Variants in ST3GAL3 observed in about 807,000 individuals in gnomAD.
The protein encoded by ST3GAL3 is ST3 beta-galactoside alpha-2,3-sialyltransferase 3, also known as CMP-N-acetylneuraminate-beta-1,4-galactoside alpha-2,3-sialyltransferase.
A neutral mutation model predicts 50.1 loss-of-function variants in ST3GAL3; 21 were observed. The observed-to-expected ratio is 0.42, with a 90% CI of 0.30 to 0.60. ST3GAL3 has a LOEUF of 0.60. ST3GAL3 is among the 20% of genes least tolerant of loss of function. The pLI, the probability that ST3GAL3 is intolerant of heterozygous loss-of-function variation, is 0.19. For synonymous variants in ST3GAL3, 183 were observed against 190.0 expected, an observed-to-expected ratio of 0.96 and a Z score of 0.30; for missense variants, 353 against 489.4, an observed-to-expected ratio of 0.72 and a Z score of 2.63.
chr1:43,904,463 C>A (rs2078808379), intron 9 of ST3GAL3, among the ~76,000 whole-genome samples: 1 of 151,980 alleles, frequency 6.6e-6, no homozygotes, highest in Admixed American at 6.6e-5. Flanking sequence ...GCGGCCATCA[C>A]CAGTGGCCGC....
intron 4 of ST3GAL3, among the ~76,000 whole-genome samples, chr1:43,823,443 A>G (rs1300941032): frequency 2.6e-5 from 4 of 151,868 alleles, no homozygotes; most frequent in Non-Finnish European, 5.9e-5. Context: ...TGTCTGGAAC[A>G]CTCTTCCCCA....
intron 4 of ST3GAL3, among the ~76,000 whole-genome samples, chr1:43,830,932 A>G (rs1181991557): frequency 6.6e-6 from 1 of 152,122 alleles, no homozygotes. Flanking sequence ...TCTAGAAGGA[A>G]TAGTAAAAGC....
intron 4 of ST3GAL3, 52 bp downstream of exon 4, chr1:43,814,985 G>A (rs1257301132): frequency 3.2e-6 from 5 of 1,566,626 alleles, no homozygotes; most frequent in Non-Finnish European, 4.4e-6. Context: ...GTCTGTGAGA[G>A]CTGGGTCTCA....
chr1:43,788,527 C>T (rs879548800), intron 2 of ST3GAL3, among the ~76,000 whole-genome samples: 1 of 152,072 alleles, frequency 6.6e-6, no homozygotes, highest in Non-Finnish European at 1.5e-5. Context: ...GGTTTGGACC[C>T]CTGAACCTTC....
At chr1:43,731,378 ATTTTTTTTTTTTT>A (rs4019073) in intron 1 of ST3GAL3, among the ~76,000 whole-genome samples, 23 of 69,856 alleles carry the variant, frequency 3.3e-4, no homozygotes, top group African/African-American at 1.1e-3. Context: ...CACCCAGCTA[ATTTTTTTTTTTTT>A]TTTTTTTTTT....
chr1:43,806,564 G>A (rs1396254606), intron 3 of ST3GAL3, among the ~76,000 whole-genome samples: 1 of 152,164 alleles, frequency 6.6e-6, no homozygotes, highest in Non-Finnish European at 1.5e-5. Flanking sequence ...GATCAAGGCT[G>A]GAAGGCTGGG....
chr1:43,911,698 T>C lies in ST3GAL3; in HGVS notation c.745-8706T>C, dbSNP rs185670974. On this transcript the variant is annotated intron_variant, in intron 9 of 11. Coordinates refer to ENST00000347631, the MANE Select transcript of ST3GAL3 (RefSeq NM_006279.5). ...ATATAGATATAGATATGGATTTTTT[T>C]TTTTTTTTAGACAAGGTCTGGCTAT... Among the ~76,000 whole-genome samples the C allele has an allele frequency of 1.3e-3, 200 of 151,808 alleles. 2 individuals are homozygous for C. In the East Asian group the frequency reaches 0.034, roughly 26 times the overall value.
chr1:43,777,708 G>A (rs1421477989), intron 2 of ST3GAL3, among the ~76,000 whole-genome samples: 2 of 152,136 alleles, frequency 1.3e-5, no homozygotes, highest in African/African-American at 2.4e-5. Flanking sequence ...AAAAGATTTC[G>A]GGATGAAAAT....
At chr1:43,761,000 A>G (rs1210507746) in intron 2 of ST3GAL3, among the ~76,000 whole-genome samples, 2 of 152,260 alleles carry the variant, frequency 1.3e-5, no homozygotes, top group Non-Finnish European at 2.9e-5. Flanking sequence ...TTTCACTGAC[A>G]TGTCCAAAAC....
intron 1 of ST3GAL3, chr1:43,716,425 T>C (rs1667414010): frequency 6.6e-6 from 1 of 152,226 alleles, no homozygotes; most frequent in African/African-American, 2.4e-5. Flanking sequence ...CGCTGTCTCA[T>C]TGTCAAGTTT....
intron 2 of ST3GAL3, chr1:43,736,590 C>A: frequency 1.2e-6 from 1 of 812,044 alleles, no homozygotes; most frequent in Non-Finnish European, 2.0e-6. Flanking sequence ...CATGACAAAT[C>A]TCAGTTCCTT....
intron 5 of ST3GAL3, among the ~76,000 whole-genome samples, chr1:43,877,688 C>T (rs1022328036): frequency 6.6e-6 from 1 of 152,182 alleles, no homozygotes; most frequent in Non-Finnish European, 1.5e-5. Context: ...GTCTGGATAT[C>T]TGGAACTTGA....
At chr1:43,881,320 T>G (rs527804034) in intron 5 of ST3GAL3, among the ~76,000 whole-genome samples, 5 of 152,338 alleles carry the variant, frequency 3.3e-5, no homozygotes, top group African/African-American at 1.2e-4. Context: ...CTCTGAGCTT[T>G]TTATATTCCC....
chr1:43,911,916 G>C (rs961847389), intron 9 of ST3GAL3: 1 of 151,978 alleles, frequency 6.6e-6, no homozygotes, highest in Non-Finnish European at 1.5e-5. Flanking sequence ...TCTCAAACTC[G>C]TCAGTTCAAG....
At chr1:43,762,986 T>C (rs1691126786) in intron 2 of ST3GAL3, among the ~76,000 whole-genome samples, 1 of 152,220 alleles carries the variant, frequency 6.6e-6, no homozygotes, top group Non-Finnish European at 1.5e-5. Flanking sequence ...AAGGCATGTA[T>C]GTGCCCTTGC....
chr1:43,828,108 A>G (rs2063063811), intron 4 of ST3GAL3, among the ~76,000 whole-genome samples: 1 of 152,224 alleles, frequency 6.6e-6, no homozygotes, highest in South Asian at 2.1e-4. Flanking sequence ...CCACACAAAT[A>G]TAGTCTGTTG....
chr1:43,783,971 T>C (rs531013364), intron 2 of ST3GAL3, among the ~76,000 whole-genome samples: 6 of 152,324 alleles, frequency 3.9e-5, no homozygotes, highest in Admixed American at 3.9e-4. Flanking sequence ...TCTAAATAGA[T>C]TGTATGGACT....
At chr1:43,833,891 C>T (rs569663700) in intron 4 of ST3GAL3, among the ~76,000 whole-genome samples, 1 of 152,178 alleles carries the variant, frequency 6.6e-6, no homozygotes. Flanking sequence ...GCTAAGGGAG[C>T]AGAGCTAAGG....
chr1:43,852,262 G>A (rs1329056569), intron 5 of ST3GAL3, among the ~76,000 whole-genome samples: 2 of 152,158 alleles, frequency 1.3e-5, no homozygotes, highest in African/African-American at 4.8e-5. Context: ...GATGGGGAGG[G>A]GATGGCAGTA....
Sources: allele counts gnomAD v4.1 joint callset (sites outside exome capture counted in the v4.1 genomes callset), GRCh38; gene constraint gnomAD v4.1.1; transcripts MANE v1.5; gene names NCBI Gene and HGNC (gene_info 2026-07-23, HGNC 2026-07-21).